Variants in DLK2 observed in about 807,000 individuals in gnomAD.
DLK2 encodes delta like non-canonical Notch ligand 2, also known as protein delta homolog 2.
DLK2 carries 9 observed loss-of-function variants against 31.3 expected under a neutral mutation model. The observed-to-expected ratio is 0.29, with a 90% CI of 0.17 to 0.50. DLK2 has a LOEUF of 0.50. Among genes scored for constraint, DLK2 ranks in the 20% least tolerant of loss-of-function variants. DLK2 has a pLI of 0.98. For synonymous variants in DLK2, 169 were observed against 201.2 expected, an observed-to-expected ratio of 0.84 and a Z score of 1.35; for missense variants, 387 against 526.1, an observed-to-expected ratio of 0.74 and a Z score of 2.59.
In DLK2 at chr6:43,452,079, G is replaced by C. The variant is rs141570361; in HGVS notation, c.277C>G (p.His93Asp). ...CAGGGGGACTGCGTGGTACAGATAT[G>C]TTCATCTGGAGAGGGGACAGGAAAG... ...WAGKFCDKDE[H>D]ICTTQSPCQN... Residue 93 changes from histidine to aspartate, a missense_variant, in exon 5 of 6, where the codon CAT becomes GAT. Coordinates refer to ENST00000372488, the MANE Select transcript of DLK2 (RefSeq NM_023932.4). 6 of 1,614,230 alleles carry C rather than the reference G, an allele frequency of 3.7e-6. No individual in the cohort carries two copies. In the African/African-American group the frequency reaches 8.0e-5, roughly 22 times the overall value.
At chr6:43,452,873 AT>A (rs1783826432) in intron 4 of DLK2, 131 bp downstream of exon 4, 2 of 1,376,420 alleles carry the variant, frequency 1.5e-6, no homozygotes, top group South Asian at 2.7e-5. Flanking sequence ...AAAGTCTAAG[AT>A]TTAAAAAAAT....
Position 43,451,265 on chromosome 6 carries a change from G to T in DLK2, c.426C>A (p.Cys142Ter). 3 of 1,613,780 alleles carry T rather than the reference G, an allele frequency of 1.9e-6. No individual in the cohort carries two copies. The highest frequency in any genetic ancestry group is 2.5e-6 in the Non-Finnish European group (3 of 1,179,866). Residue 142 changes from cysteine (C) to a stop codon, truncating the protein, a stop_gained, in exon 6 of 6, where the codon TGC (cysteine) becomes TGA (stop). Transcript: ENST00000372488. LOFTEE classifies it high-confidence loss of function. The surrounding 1 kb of genome is among the most constrained non-coding windows in gnomAD (Gnocchi z 4.4). ...CGTCCTGGCACTGCCCGCCATTGCGGCATGGGGAGCTGTGGTAGGGGTGAG... is the reference window on the plus strand; with the variant it reads ...CGTCCTGGCACTGCCCGCCATTGCGTCATGGGGAGCTGTGGTAGGGGTGAG... The part of the protein sequence containing the change: ...AGPCEQAGSP[C>*]RNGGQCQDDQ...
chr6:43,453,131 C>G lies in DLK2; in HGVS notation c.145G>C (p.Asp49His). The G allele has an allele frequency of 6.2e-7, 1 of 1,600,844 alleles. No homozygotes were observed. The highest frequency in any genetic ancestry group is 1.1e-5 in the South Asian group (1 of 90,450). Residue 49 changes from aspartate to histidine, a missense_variant, in exon 4 of 6, where the codon GAC becomes CAC. Asp to His is a moderately conservative substitution (Grantham distance 81, BLOSUM62 -1). Coordinates refer to ENST00000372488, the MANE Select transcript of DLK2 (RefSeq NM_023932.4). The surrounding 1 kb of genome is among the most constrained non-coding windows in gnomAD (Gnocchi z 4.1). ...CCAPDGSCRC[D>H]PGWEGLHCER... ...CAGTGCAGCCCCTCCCAGCCCGGGT[C>G]ACACCTGACGGGGAGAAGCACAGGG...
intron 4 of DLK2, 108 bp downstream of exon 4, chr6:43,452,897 T>C: frequency 2.8e-6 from 4 of 1,454,106 alleles, no homozygotes; most frequent in Non-Finnish European, 3.8e-6. Flanking sequence ...TAAAATACCA[T>C]GTATTTGAGG....
rs548535082 is a variant in DLK2, at chr6:43,453,392, C to T, written c.141-257G>A. On this transcript the variant is annotated intron_variant, in intron 3 of 5. Transcript: ENST00000372488. The surrounding 1 kb of genome is among the most constrained non-coding windows in gnomAD (Gnocchi z 4.1). ...TTCTCACCTGTAAATTGGGGATACA[C>T]CTTGCAGGGTTGAGTAGAGGAAGAA... Among the ~76,000 whole-genome samples, 1 of 152,286 alleles carries T rather than the reference C, an allele frequency of 6.6e-6. No homozygotes were observed. The highest frequency in any genetic ancestry group is 2.4e-5 in the African/African-American group (1 of 41,560).
chr6:43,455,644 C>T (rs1050637116), upstream of DLK2: 7 of 140,796 alleles, frequency 5.0e-5, no homozygotes, highest in Non-Finnish European at 1.1e-4. Context: ...CCCCATCCCC[C>T]CCCCCGCGAC....
chr6:43,450,493 A>G lies in DLK2; in HGVS notation c.*46T>C. 1 of 1,518,364 alleles carries G rather than the reference A, an allele frequency of 6.6e-7. No homozygotes were observed. The highest frequency in any genetic ancestry group is 2.2e-5 in the Admixed American group (1 of 45,494). 94.1% of individuals were successfully genotyped at this position (1,518,364 alleles called of 1,614,324 possible). On this transcript the variant is annotated 3_prime_UTR_variant, in exon 6 of 6. Transcript: ENST00000372488. This position sits in a 1 kb window ranked among gnomAD's most constrained non-coding sequence, Gnocchi z 4.5. Reference sequence around the variant, plus strand: ...GGTGAGAACGGACCACTCCAGTCTGAGGGGTGGAAGAGGTGAGGAAGGGGG... The same window carrying G: ...GGTGAGAACGGACCACTCCAGTCTGGGGGGTGGAAGAGGTGAGGAAGGGGG...
rs35283134 is a variant in DLK2, at chr6:43,450,994, C to T, written c.697G>A (p.Asp233Asn). The T allele has an allele frequency of 9.3e-6, 15 of 1,613,986 alleles. No individual in the cohort carries two copies. Among genetic ancestry groups the T allele is most frequent in the African/African-American group, 2.7e-5 (2 of 74,934 alleles). ...RGARCRDRVHDFDCLCPSGYG... is the reference protein window; with the variant it reads ...RGARCRDRVHNFDCLCPSGYG... ...CCACTGGGGCAGAGGCAGTCGAAGT[C>T]GTGGACACGGTCCCGACAGCGGGCC... Residue 233 changes from aspartate to asparagine, a missense_variant, in exon 6 of 6, where the codon GAC becomes AAC. Physicochemically the swap from Asp to Asn is conservative, Grantham distance 23. Transcript: ENST00000372488. The surrounding 1 kb of genome is among the most constrained non-coding windows in gnomAD (Gnocchi z 4.5).
At position 43,454,473 on chromosome 6, in the gene DLK2, G is replaced by A. The variant is rs746578817; in HGVS notation, c.78C>T (p.Ala26=). ...ILGAPGQPVR[A]DDCSSHCDLA... ...GGTCACAGTGGGAGCTGCAGTCATC[G>A]GCTGCAAGAGATTGATGTGGGAGGG... Residue 26 remains alanine, a splice_region_variant and synonymous_variant, in exon 3 of 6, where the codon GCC becomes GCT. Coordinates refer to ENST00000372488, the MANE Select transcript of DLK2 (RefSeq NM_023932.4). 3.1e-6 allele frequency: 5 copies of A among 1,590,424 alleles called. No homozygotes were observed. The highest frequency in any genetic ancestry group is 3.4e-6 in the Non-Finnish European group (4 of 1,169,840).
chr6:43,453,637 A>G lies in DLK2; in HGVS notation c.141-502T>C, dbSNP rs1336980835. Reference sequence around the variant, plus strand: ...GTGAAACCCCGTCTCTACAAAAAATACAAAAAATTACCCGGGCATGGTGGT... The same window carrying G: ...GTGAAACCCCGTCTCTACAAAAAATGCAAAAAATTACCCGGGCATGGTGGT... On this transcript the variant is annotated intron_variant, in intron 3 of 5. Coordinates refer to ENST00000372488, the MANE Select transcript of DLK2 (RefSeq NM_023932.4). The surrounding 1 kb of genome is among the most constrained non-coding windows in gnomAD (Gnocchi z 4.1). Among the ~76,000 whole-genome samples the G allele has an allele frequency of 6.6e-6, 1 of 152,166 alleles. No homozygotes were observed. The highest frequency in any genetic ancestry group is 2.4e-5 in the African/African-American group (1 of 41,438).
Position 43,450,809 on chromosome 6 carries a change from C to T in DLK2, c.882G>A (p.Val294=), listed in dbSNP as rs1311522039. The part of the protein sequence containing the change: ...AGLLRISVKE[V]VRRQEAGLGE... ...CTAGCCCAGCCTCTTGCCTCCGCAC[C>T]ACCTCCTTCACTGAGATCCGCAGCA... Residue 294 remains valine, a synonymous_variant, in exon 6 of 6, where the codon GTG becomes GTA. Coordinates refer to ENST00000372488, the MANE Select transcript of DLK2 (RefSeq NM_023932.4). This position sits in a 1 kb window ranked among gnomAD's most constrained non-coding sequence, Gnocchi z 4.5. 5.6e-6 allele frequency: 9 copies of T among 1,614,218 alleles called. No individual in the cohort carries two copies. Among genetic ancestry groups the T allele is most frequent in the Non-Finnish European group, 7.6e-6 (9 of 1,180,018 alleles).
chr6:43,451,302 T>C lies in DLK2; in HGVS notation c.417-28A>G. 1 of 1,602,738 alleles carries C rather than the reference T, an allele frequency of 6.2e-7. No homozygotes were observed. Among genetic ancestry groups the C allele is most frequent in the East Asian group, 2.2e-5 (1 of 44,776 alleles). The stretch of plus-strand genomic sequence containing the variant: ...GTGGTAGGGGTGAGAGAGGACATGA[T>C]AACCAACTTACCAACACCTGTAGGG... On this transcript the variant is annotated intron_variant, in intron 5 of 5. Coordinates refer to ENST00000372488, the MANE Select transcript of DLK2 (RefSeq NM_023932.4). The surrounding 1 kb of genome is among the most constrained non-coding windows in gnomAD (Gnocchi z 4.4).
At position 43,450,915 on chromosome 6, in the gene DLK2, G is replaced by A. The variant is rs2127418895; in HGVS notation, c.776C>T (p.Thr259Ile). 6.2e-7 allele frequency: 1 copy of A among 1,614,238 alleles called. No individual in the cohort carries two copies. Among genetic ancestry groups the A allele is most frequent in the Non-Finnish European group, 8.5e-7 (1 of 1,180,030 alleles). Residue 259 changes from threonine (T) to isoleucine (I), a missense_variant, in exon 6 of 6, where the codon ACA (threonine) becomes ATA (isoleucine). Thr to Ile is a moderately conservative substitution (Grantham distance 89, BLOSUM62 -1). Coordinates refer to ENST00000372488, the MANE Select transcript of DLK2 (RefSeq NM_023932.4). This position sits in a 1 kb window ranked among gnomAD's most constrained non-coding sequence, Gnocchi z 4.5. ...LVLPVPDPPT[T>I]VDTPLGPTSA... ...GGTGGGCCCTAGAGGGGTGTCCACT[G>A]TGGTTGGGGGGTCTGGGACAGGTAA...
At position 43,450,710 on chromosome 6, in the gene DLK2, C is replaced by T; in HGVS notation, c.981G>A (p.Leu327=). 6.2e-7 allele frequency: 1 copy of T among 1,614,094 alleles called. No homozygotes were observed. Among genetic ancestry groups the T allele is most frequent in the South Asian group, 1.1e-5 (1 of 91,090 alleles). The stretch of plus-strand genomic sequence containing the variant: ...CACCCCGGCGCCAGGCCCTCAGGGT[C>T]AGCAACACAGTAGCCAGAACCAGGG... ...TAALVLATVL[L]TLRAWRRGVC... Residue 327 remains leucine, a synonymous_variant, in exon 6 of 6, where the codon CTG becomes CTA. Transcript: ENST00000372488. The surrounding 1 kb of genome is among the most constrained non-coding windows in gnomAD (Gnocchi z 4.5).
intron 2 of DLK2, 118 bp from the exon 3 acceptor site, chr6:43,454,592 C>G (rs1783898618): frequency 1.5e-6 from 2 of 1,336,210 alleles, no homozygotes; most frequent in Non-Finnish European, 1.0e-6. Context: ...TAGGGCAGGA[C>G]ATAACACAGA....
chr6:43,450,827 C>A lies in DLK2; in HGVS notation c.864G>T (p.Arg288=). Residue 288 remains arginine, a synonymous_variant, in exon 6 of 6, where the codon CGG becomes CGT. Transcript: ENST00000372488. This position sits in a 1 kb window ranked among gnomAD's most constrained non-coding sequence, Gnocchi z 4.5. ...TCCGCACCACCTCCTTCACTGAGAT[C>A]CGCAGCAGACCAGCCCCTGCGCTGT... ...APHSAGAGLL[R]ISVKEVVRRQ... 1 of 1,614,232 alleles carries A rather than the reference C, an allele frequency of 6.2e-7. No individual in the cohort carries two copies. Among genetic ancestry groups the A allele is most frequent in the South Asian group, 1.1e-5 (1 of 91,088 alleles).
rs1783761958 is a variant in DLK2 at position 43,451,851 on chromosome 6, C to G, written c.416+89G>C. Reference sequence around the variant, plus strand: ...CCCGTGTGGGTCTGACTCTCAGTCCCCCACCCTCCCAACAGTCCTGCCTCT... The same window carrying G: ...CCCGTGTGGGTCTGACTCTCAGTCCGCCACCCTCCCAACAGTCCTGCCTCT... On this transcript the variant is annotated intron_variant, in intron 5 of 5. Coordinates refer to ENST00000372488, the MANE Select transcript of DLK2 (RefSeq NM_023932.4). The surrounding 1 kb of genome is among the most constrained non-coding windows in gnomAD (Gnocchi z 4.4). 1 of 1,534,188 alleles carries G rather than the reference C, an allele frequency of 6.5e-7. No homozygotes were observed. Among genetic ancestry groups the G allele is most frequent in the Non-Finnish European group, 8.8e-7 (1 of 1,140,418 alleles).
chr6:43,454,337 A>T, intron 3 of DLK2, 74 bp downstream of exon 3: 1 of 1,428,224 alleles, frequency 7.0e-7, no homozygotes, highest in Non-Finnish European at 9.6e-7. Flanking sequence ...TGAAGCCCCT[A>T]GACACTGTTG....
intron 2 of DLK2, 131 bp downstream of exon 2, chr6:43,454,619 A>G: frequency 7.2e-7 from 1 of 1,379,908 alleles, no homozygotes; most frequent in East Asian, 2.5e-5. Flanking sequence ...TCCCATTCCA[A>G]AAAGGCAACC....
Sources: gnomAD v4.1 joint callset for allele counts (sites outside exome capture counted in the v4.1 genomes callset) on GRCh38, gnomAD v4.1.1 for gene constraint, Gnocchi (gnomAD v3.1) non-coding constraint, MANE v1.5 for transcripts, NCBI Gene and HGNC (gene_info 2026-07-23, HGNC 2026-07-21) for gene names.